Variants in TLK1 observed in about 807,000 individuals in gnomAD.
TLK1 encodes serine/threonine-protein kinase tousled-like 1.
In TLK1, 24 loss-of-function variants were observed where a neutral mutation model predicts 105.3. The ratio of observed to expected loss-of-function variants is 0.23; its 90% CI spans 0.17 to 0.32. TLK1 has a LOEUF of 0.32. Ranked by LOEUF, TLK1 falls within the 10% of genes least tolerant of loss-of-function variation. TLK1 has a pLI of 1.00. For missense variants in TLK1, 558 were observed against 910.5 expected (o/e 0.61, Z 4.98); for synonymous variants, 321 against 310.4 (o/e 1.03, Z -0.36).
chr2:171,053,954 T>A, intron 7 of TLK1, 101 bp from the exon 8 acceptor site: 1 of 844,004 alleles, frequency 1.2e-6, no homozygotes, highest in Non-Finnish European at 1.7e-6. Flanking sequence ...AAGAAAAATA[T>A]ATTTGTGTGT....
intron 14 of TLK1, 101 bp from the exon 15 acceptor site, chr2:171,007,164 G>C: frequency 1.2e-6 from 1 of 836,164 alleles, no homozygotes; most frequent in Non-Finnish European, 1.9e-6. Flanking sequence ...TATGGAATTA[G>C]GACAAACCCT....
At chr2:171,128,996 A>G (rs1690984767) in intron 1 of TLK1, among the ~76,000 whole-genome samples, 1 of 152,108 alleles carries the variant, frequency 6.6e-6, no homozygotes, top group Non-Finnish European at 1.5e-5. Flanking sequence ...GTGTGTGTGC[A>G]CGTGTCCGTG....
chr2:170,998,040 C>CTT (rs1684148585), intron 18 of TLK1, among the ~76,000 whole-genome samples: 1 of 144,274 alleles, frequency 6.9e-6, no homozygotes, highest in Admixed American at 7.1e-5. Flanking sequence ...TCATCTCTAT[C>CTT]TATCTTTATC....
chr2:171,025,109 ACT>A (rs1472623530), intron 12 of TLK1, among the ~76,000 whole-genome samples: 1 of 151,916 alleles, frequency 6.6e-6, no homozygotes, highest in Admixed American at 6.6e-5. Context: ...TTTCTGCCTG[ACT>A]CTCATTCCTT....
chr2:171,038,048 G>A (rs904325538), intron 11 of TLK1, among the ~76,000 whole-genome samples: 1 of 152,162 alleles, frequency 6.6e-6, no homozygotes, highest in African/African-American at 2.4e-5. Context: ...ACAGAACTAT[G>A]TGGATTTTGT....
intron 18 of TLK1, among the ~76,000 whole-genome samples, chr2:171,004,613 G>C (rs185149840): frequency 1.3e-5 from 2 of 152,126 alleles, no homozygotes; most frequent in Non-Finnish European, 2.9e-5. Flanking sequence ...CCCTATACTA[G>C]TGAAGCCAGA....
At chr2:171,127,185 G>A (rs1246979128) in intron 1 of TLK1, among the ~76,000 whole-genome samples, 2 of 150,750 alleles carry the variant, frequency 1.3e-5, no homozygotes, top group Non-Finnish European at 2.9e-5. Context: ...GCTGAGGCAC[G>A]AGAATCACTT....
At chr2:171,034,652 TAG>T (rs1344699831) in intron 11 of TLK1, among the ~76,000 whole-genome samples, 3 of 152,098 alleles carry the variant, frequency 2.0e-5, no homozygotes, top group Non-Finnish European at 4.4e-5. Flanking sequence ...GTTTTGAAAC[TAG>T]AGAGAAGTGA....
chr2:171,196,568 T>A (rs988300209), intron 1 of TLK1, among the ~76,000 whole-genome samples: 2 of 152,258 alleles, frequency 1.3e-5, no homozygotes, highest in African/African-American at 4.8e-5. Flanking sequence ...TATATCTATA[T>A]GTTTTTTCTA....
In TLK1 at chr2:170,994,825, A is replaced by G. The variant is rs532963447; in HGVS notation, c.2125-869T>C. The G allele has an allele frequency of 5.5e-5, 22 of 398,426 alleles. 1 individual carries two copies. The highest frequency in any genetic ancestry group is 4.2e-4 in the South Asian group (22 of 52,782). The allele number at this position is 398,426 out of a possible 1,614,324, so 24.7% of individuals were successfully genotyped here. ...TCCTTTGCCAGGCCTCTTTCACCCA[A>G]TATTAAATTTTGAGGTTCATCCTTT... is the stretch of plus-strand genomic sequence containing the variant. On this transcript the variant is annotated intron_variant, in intron 20 of 20. Transcript: ENST00000431350.
At chr2:171,063,063 C>T (rs1687827739) in intron 3 of TLK1, among the ~76,000 whole-genome samples, 1 of 152,106 alleles carries the variant, frequency 6.6e-6, no homozygotes, top group Non-Finnish European at 1.5e-5. Flanking sequence ...AACCCTAAAT[C>T]GGCCGGGTGC....
intron 1 of TLK1, among the ~76,000 whole-genome samples, chr2:171,201,295 G>T (rs1374447715): frequency 6.6e-6 from 1 of 152,132 alleles, no homozygotes; most frequent in Non-Finnish European, 1.5e-5. Context: ...ATCAATGCTT[G>T]TTAATTACTA....
intron 3 of TLK1, among the ~76,000 whole-genome samples, chr2:171,076,870 C>T (rs987832404): frequency 3.3e-5 from 5 of 151,420 alleles, no homozygotes; most frequent in Non-Finnish European, 7.4e-5. Flanking sequence ...GCCGAGATGG[C>T]GCCACTGCAC....
chr2:171,203,309 G>T (rs1420047266), intron 1 of TLK1, among the ~76,000 whole-genome samples: 1 of 151,908 alleles, frequency 6.6e-6, no homozygotes. Flanking sequence ...AATTCATCTC[G>T]TAAAACTAAA....
In TLK1 at chr2:171,064,544, TG is replaced by T. The variant is rs149954127; in HGVS notation, c.331-3389del. On this transcript the variant is annotated intron_variant, in intron 3 of 20. Transcript: ENST00000431350. ...TCAAGACTGCTCTTGCTAATAATGC[TG>T]TCATTTCTTTCTTTTATTCTCTATT... 5.1e-3 allele frequency among the ~76,000 whole-genome samples: 779 copies of T among 152,382 alleles called. 8 individuals are homozygous for T. Among genetic ancestry groups the T allele is most frequent in the African/African-American group, 0.018 (742 of 41,590 alleles).
At chr2:171,071,477 C>T (rs1049868107) in intron 3 of TLK1, among the ~76,000 whole-genome samples, 11 of 152,114 alleles carry the variant, frequency 7.2e-5, no homozygotes, top group Non-Finnish European at 1.3e-4. Context: ...TTAGTAGAGA[C>T]GGGGTTTCAC....
chr2:171,009,231 C>T (rs1053721969), intron 14 of TLK1, among the ~76,000 whole-genome samples: 1 of 149,642 alleles, frequency 6.7e-6, no homozygotes, highest in Non-Finnish European at 1.5e-5. Flanking sequence ...TTTTCCAAGT[C>T]AGAAGCAGAA....
chr2:171,182,096 A>T (rs1157257841), intron 1 of TLK1, among the ~76,000 whole-genome samples: 1 of 152,234 alleles, frequency 6.6e-6, no homozygotes, highest in East Asian at 1.9e-4. Flanking sequence ...AATGCTAGTG[A>T]TGACTATCTC....
intron 1 of TLK1, among the ~76,000 whole-genome samples, chr2:171,213,891 T>TA (rs901313734): frequency 1.0e-3 from 155 of 149,614 alleles, no homozygotes; most frequent in African/African-American, 3.4e-3. Context: ...CCCAGCAATT[T>TA]AAAAAAAATT....
Sources: allele counts gnomAD v4.1 joint callset (sites outside exome capture counted in the v4.1 genomes callset), GRCh38; gene constraint gnomAD v4.1.1; transcripts MANE v1.5; gene names NCBI Gene and HGNC (gene_info 2026-07-23, HGNC 2026-07-21).